The following DPYD variants were observed in gnomAD, a reference collection of about 807,000 sequenced individuals.
The protein encoded by DPYD is dihydropyrimidine dehydrogenase [NADP(+)].
In DPYD, 109 loss-of-function variants were observed where a neutral mutation model predicts 116.2. That is an observed-to-expected ratio of 0.94 (90% CI 0.80 to 1.10). DPYD has a LOEUF of 1.10. Among genes scored for constraint, DPYD ranks in the 50% least tolerant of loss-of-function variants. DPYD has a pLI of 0.00. For missense variants in DPYD, 1,302 were observed against 1,254.5 expected, an observed-to-expected ratio of 1.04 and a Z score of -0.57; for synonymous variants, 440 against 432.0, an observed-to-expected ratio of 1.02 and a Z score of -0.23.
intron 8 of DPYD, among the ~76,000 whole-genome samples, chr1:97,641,337 G>T (rs1318044454): frequency 1.3e-5 from 2 of 152,090 alleles, no homozygotes. Flanking sequence ...GCAGAGGAAA[G>T]GAAGGGGATG....
At chr1:97,245,294 T>C (rs781473127) in intron 18 of DPYD, among the ~76,000 whole-genome samples, 37 of 152,134 alleles carry the variant, frequency 2.4e-4, no homozygotes, top group Non-Finnish European at 4.1e-4. Context: ...AATATCACCA[T>C]AAAATTCACT....
At chr1:97,079,244 C>T in intron 22 of DPYD, 98 bp from the exon 23 acceptor site, 1 of 1,258,216 alleles carries the variant, frequency 7.9e-7, no homozygotes, top group Non-Finnish European at 1.2e-6. Context: ...AGAGGAGCCA[C>T]ACTATGAGAC....
At chr1:97,086,687 G>A (rs290807) in intron 21 of DPYD, among the ~76,000 whole-genome samples, 144,053 of 152,186 alleles carry the variant, frequency 0.95, 68,499 homozygotes, top group East Asian at 1. Flanking sequence ...AAGTCACACT[G>A]TCGTAAAGTA....
chr1:97,421,343 C>A (rs1252798027), intron 14 of DPYD, among the ~76,000 whole-genome samples: 2 of 151,976 alleles, frequency 1.3e-5, no homozygotes, highest in Non-Finnish European at 2.9e-5. Context: ...TAACTATTTG[C>A]ATGAAAAACC....
intron 8 of DPYD, among the ~76,000 whole-genome samples, chr1:97,670,091 C>T (rs948635337): frequency 1.3e-5 from 2 of 152,114 alleles, no homozygotes; most frequent in African/African-American, 4.8e-5. Flanking sequence ...CATTGAATTA[C>T]AGTGGGCGGA....
At chr1:97,389,864 C>CA (rs11406485) in intron 14 of DPYD, among the ~76,000 whole-genome samples, 32,124 of 142,440 alleles carry the variant, frequency 0.23, 4,198 homozygotes, top group South Asian at 0.35. Context: ...GCTTATTTGG[C>CA]AAAAAAAAAA....
At chr1:97,716,434 TA>T (rs1194584285) in intron 5 of DPYD, among the ~76,000 whole-genome samples, 1 of 151,696 alleles carries the variant, frequency 6.6e-6, no homozygotes, top group Non-Finnish European at 1.5e-5. Flanking sequence ...TAGACCAATG[TA>T]AAAAAAATAG....
chr1:97,468,839 A>C (rs193182087), intron 13 of DPYD, among the ~76,000 whole-genome samples: 49 of 152,294 alleles, frequency 3.2e-4, no homozygotes, highest in African/African-American at 1.1e-3. Flanking sequence ...AGGATGAAGG[A>C]TGAATGATTC....
At chr1:97,327,236 T>C (rs540964545) in intron 16 of DPYD, among the ~76,000 whole-genome samples, 2 of 152,050 alleles carry the variant, frequency 1.3e-5, no homozygotes, top group Non-Finnish European at 2.9e-5. Context: ...TTATTTTCTT[T>C]CAAATTATCC....
chr1:97,882,054 A>G (rs1278631019), intron 2 of DPYD, among the ~76,000 whole-genome samples: 2 of 151,834 alleles, frequency 1.3e-5, no homozygotes, highest in African/African-American at 4.8e-5. Flanking sequence ...AAATTATATG[A>G]TTCTTTTTTC....
At chr1:97,312,826 A>T (rs1434886655) in intron 16 of DPYD, among the ~76,000 whole-genome samples, 1 of 151,712 alleles carries the variant, frequency 6.6e-6, no homozygotes, top group Non-Finnish European at 1.5e-5. Flanking sequence ...AACACATCAA[A>T]CTCTATACTT....
chr1:97,543,070 C>G (rs1324981521), intron 12 of DPYD, among the ~76,000 whole-genome samples: 1 of 152,132 alleles, frequency 6.6e-6, no homozygotes, highest in East Asian at 1.9e-4. Flanking sequence ...TCCATACTTT[C>G]TTTCATAATC....
intron 2 of DPYD, among the ~76,000 whole-genome samples, chr1:97,882,696 A>G (rs1672289114): frequency 1.3e-5 from 2 of 151,992 alleles, no homozygotes; most frequent in Non-Finnish European, 2.9e-5. Flanking sequence ...TATACAGTTA[A>G]ACAAAGTTCT....
chr1:97,112,240 A>T (rs556277013), intron 20 of DPYD, among the ~76,000 whole-genome samples: 27 of 152,170 alleles, frequency 1.8e-4, no homozygotes, highest in Admixed American at 1.6e-3. Flanking sequence ...CCTTCAGCAA[A>T]CCATTTCTCC....
intron 13 of DPYD, among the ~76,000 whole-genome samples, chr1:97,502,147 T>C (rs868588069): frequency 6.6e-6 from 1 of 152,100 alleles, no homozygotes; most frequent in African/African-American, 2.4e-5. Context: ...TAAGATCTTC[T>C]GTTAACCAAA....
chr1:97,813,535 T>C (rs10493896), intron 3 of DPYD, among the ~76,000 whole-genome samples: 24,976 of 152,096 alleles, frequency 0.16, 2,411 homozygotes, highest in Non-Finnish European at 0.22. Context: ...AGCAAGATAA[T>C]TGGTTTGTAA....
At chr1:97,384,365 G>GA (rs1423067025) in intron 14 of DPYD, among the ~76,000 whole-genome samples, 1 of 149,504 alleles carries the variant, frequency 6.7e-6, no homozygotes, top group African/African-American at 2.5e-5. Flanking sequence ...TGTCTTTAAA[G>GA]TTTTTTTTTT....
At chr1:97,894,699 T>A (rs566066909) in intron 1 of DPYD, among the ~76,000 whole-genome samples, 1 of 151,678 alleles carries the variant, frequency 6.6e-6, no homozygotes, top group African/African-American at 2.4e-5. Context: ...TATATACTGT[T>A]TGTATATTTT....
chr1:97,364,264 A>G (rs1325491006), intron 16 of DPYD, among the ~76,000 whole-genome samples: 2 of 152,230 alleles, frequency 1.3e-5, no homozygotes, highest in Non-Finnish European at 2.9e-5. Context: ...AAGGTTAGAC[A>G]TTTTACAAAT....
Sources: allele counts gnomAD v4.1 joint callset (sites outside exome capture counted in the v4.1 genomes callset), GRCh38; gene constraint gnomAD v4.1.1; transcripts MANE v1.5; gene names NCBI Gene and HGNC (gene_info 2026-07-23, HGNC 2026-07-21).